DPYD: variants seen among roughly 807,000 people sequenced by gnomAD.
DPYD encodes the protein dihydropyrimidine dehydrogenase [NADP(+)].
DPYD carries 109 observed loss-of-function variants against 116.2 expected under a neutral mutation model. That is an observed-to-expected ratio of 0.94 (90% CI 0.80 to 1.10). The LOEUF is 1.10. DPYD is among the 50% of genes least tolerant of loss of function. The pLI is 0.00. For missense variants in DPYD, 1,302 were observed against 1,254.5 expected, an observed-to-expected ratio of 1.04 and a Z score of -0.57; for synonymous variants, 440 against 432.0, an observed-to-expected ratio of 1.02 and a Z score of -0.23.
intron 15 of DPYD, among the ~76,000 whole-genome samples, chr1:97,376,199 C>T (rs768160387): frequency 6.6e-6 from 1 of 152,160 alleles, no homozygotes; most frequent in Non-Finnish European, 1.5e-5. Flanking sequence ...GGGTCTTGAA[C>T]TCAAGCATTT....
At chr1:97,249,462 G>A (rs1662937342) in intron 18 of DPYD, among the ~76,000 whole-genome samples, 1 of 151,990 alleles carries the variant, frequency 6.6e-6, no homozygotes, top group Non-Finnish European at 1.5e-5. Flanking sequence ...TTTTTTTAAA[G>A]ATTCAAGATG....
At chr1:97,750,931 G>T (rs1264673838) in intron 3 of DPYD, among the ~76,000 whole-genome samples, 2 of 151,992 alleles carry the variant, frequency 1.3e-5, no homozygotes, top group African/African-American at 4.8e-5. Flanking sequence ...TGAGTATTTG[G>T]TGGCTCATAA....
At chr1:97,654,646 T>A (rs1658793971) in intron 8 of DPYD, among the ~76,000 whole-genome samples, 1 of 152,118 alleles carries the variant, frequency 6.6e-6, no homozygotes, top group Admixed American at 6.6e-5. Context: ...ATCACTACAT[T>A]GTTCTATTTG....
intron 4 of DPYD, among the ~76,000 whole-genome samples, chr1:97,721,948 T>G (rs560197980): frequency 9.0e-4 from 136 of 151,716 alleles, no homozygotes; most frequent in Non-Finnish European, 1.5e-3. Flanking sequence ...CTGTAAATGG[T>G]TTTCATTTAC....
At chr1:97,495,694 A>C (rs1679223065) in intron 13 of DPYD, among the ~76,000 whole-genome samples, 1 of 152,064 alleles carries the variant, frequency 6.6e-6, no homozygotes, top group Admixed American at 6.6e-5. Flanking sequence ...TATCATGATA[A>C]ATGATTTACA....
At chr1:97,343,171 T>A (rs1043606433) in intron 16 of DPYD, among the ~76,000 whole-genome samples, 1 of 152,180 alleles carries the variant, frequency 6.6e-6, no homozygotes. Context: ...TTTGTTTGAA[T>A]GTGACAGATC....
chr1:97,399,760 G>T (rs1376875708), intron 14 of DPYD, among the ~76,000 whole-genome samples: 1 of 151,944 alleles, frequency 6.6e-6, no homozygotes, highest in African/African-American at 2.4e-5. Context: ...GTCTGTTATT[G>T]GTGTTTAAGA....
chr1:97,115,632 A>G (rs542390809), intron 20 of DPYD, among the ~76,000 whole-genome samples: 82 of 152,306 alleles, frequency 5.4e-4, no homozygotes, highest in Non-Finnish European at 9.9e-4. Context: ...AATGTTCTTA[A>G]AAGTATTGTC....
intron 20 of DPYD, among the ~76,000 whole-genome samples, chr1:97,123,865 TATC>T (rs1233877597): frequency 1.3e-5 from 2 of 152,112 alleles, no homozygotes; most frequent in Non-Finnish European, 2.9e-5. Flanking sequence ...TTTATTGAGT[TATC>T]AGAGGACTGT....
At chr1:97,380,740 T>C (rs74105148) in intron 15 of DPYD, among the ~76,000 whole-genome samples, 16,089 of 152,266 alleles carry the variant, frequency 0.11, 1,101 homozygotes, top group South Asian at 0.26. Flanking sequence ...ATGTATATGT[T>C]AGGTAGTACA....
At chr1:97,816,543 AAACT>A (rs1668617676) in intron 3 of DPYD, among the ~76,000 whole-genome samples, 3 of 152,318 alleles carry the variant, frequency 2.0e-5, no homozygotes, top group South Asian at 4.1e-4. Context: ...AATCATAAAT[AAACT>A]AACACAATGT....
At chr1:97,306,536 T>C (rs1476714177) in intron 16 of DPYD, among the ~76,000 whole-genome samples, 1 of 151,926 alleles carries the variant, frequency 6.6e-6, no homozygotes. Flanking sequence ...CAACAGAGCC[T>C]TTAGAAAATA....
chr1:97,716,778 A>T (rs1464402722), intron 5 of DPYD, among the ~76,000 whole-genome samples: 1 of 152,102 alleles, frequency 6.6e-6, no homozygotes, highest in Non-Finnish European at 1.5e-5. Context: ...AGGAAACATA[A>T]AACATAGACC....
At chr1:97,553,747 TG>T (rs1651491599) in intron 11 of DPYD, among the ~76,000 whole-genome samples, 1 of 152,066 alleles carries the variant, frequency 6.6e-6, no homozygotes, top group South Asian at 2.1e-4. Flanking sequence ...TGCATCTTGA[TG>T]GAGACTGTGG....
At chr1:97,632,898 C>T (rs1657353774) in intron 8 of DPYD, among the ~76,000 whole-genome samples, 1 of 152,042 alleles carries the variant, frequency 6.6e-6, no homozygotes, top group Admixed American at 6.6e-5. Context: ...GCTGGTCAAT[C>T]TTAGATTGGT....
chr1:97,703,958 A>G (rs1057207483), intron 5 of DPYD, among the ~76,000 whole-genome samples: 2 of 152,074 alleles, frequency 1.3e-5, no homozygotes, highest in African/African-American at 4.8e-5. Flanking sequence ...GGCTGGCTTC[A>G]GCACACTATT....
rs1246968514 is a variant in DPYD, at chr1:97,577,810, AT to A, written c.1129-3841del. Among the ~76,000 whole-genome samples, 167 of 151,914 alleles carry A rather than the reference AT, an allele frequency of 1.1e-3. 2 individuals are homozygous for A. The highest frequency in any genetic ancestry group is 0.011 in the Admixed American group (165 of 15,240). Reference sequence around the variant, plus strand: ...GTCTTGTTATAAGTATTGTCTTATTATTTTTGTTATTTTTTATTTTATTTTA... The same window carrying A: ...GTCTTGTTATAAGTATTGTCTTATTATTTTGTTATTTTTTATTTTATTTTA... On this transcript the variant is annotated intron_variant, in intron 10 of 22. Coordinates refer to ENST00000370192, the MANE Select transcript of DPYD (RefSeq NM_000110.4).
At chr1:97,439,953 A>AT (rs1344164342) in intron 14 of DPYD, among the ~76,000 whole-genome samples, 4 of 151,106 alleles carry the variant, frequency 2.6e-5, no homozygotes, top group African/African-American at 7.3e-5. Context: ...TTTCTTTATG[A>AT]TTTTTTCTTT....
chr1:97,305,862 T>C (rs1411392695), intron 17 of DPYD, among the ~76,000 whole-genome samples: 2 of 152,008 alleles, frequency 1.3e-5, no homozygotes, highest in African/African-American at 4.8e-5. Context: ...ATTGAATTGT[T>C]ACATTATGAG....
Sources: allele counts gnomAD v4.1 joint callset (sites outside exome capture counted in the v4.1 genomes callset), GRCh38; gene constraint gnomAD v4.1.1; transcripts MANE v1.5; gene names NCBI Gene and HGNC (gene_info 2026-07-23, HGNC 2026-07-21).